CRYBG3: variants seen among roughly 807,000 people sequenced by gnomAD.
The protein encoded by CRYBG3 is crystallin beta-gamma domain containing 3.
In CRYBG3, 127 loss-of-function variants were observed where a neutral mutation model predicts 244.2. The ratio of observed to expected loss-of-function variants is 0.52; its 90% confidence interval spans 0.45 to 0.60. CRYBG3 has a LOEUF of 0.60. CRYBG3 is among the 20% of genes least tolerant of loss of function. The pLI, the probability that CRYBG3 is intolerant of heterozygous loss-of-function variation, is 0.00. For missense variants in CRYBG3, 3,325 were observed against 3,442.5 expected (o/e 0.97, Z 0.85); for synonymous variants, 1,132 against 1,195.8 (o/e 0.95, Z 1.10).
chr3:97,873,146 A>C lies in CRYBG3; in HGVS notation c.1952A>C (p.Asn651Thr), dbSNP rs180695872. Residue 651 changes from asparagine to threonine, a missense_variant, in exon 4 of 22, where the codon AAT (asparagine) becomes ACT (threonine). Physicochemically the swap from Asn to Thr is moderately conservative, Grantham distance 65 (BLOSUM62 0). This residue lies in a region of CRYBG3 where 1,526 missense variants were observed against 1,443.2 expected (regional missense o/e 1.06). Coordinates refer to ENST00000389622, the MANE Select transcript of CRYBG3 (RefSeq NM_153605.4). ...CTTAGCCTTGACTGTAAAAAACTAA[A>C]TTTCAGTATTTCACCTCCTACCTTT... ...TSLSLDCKKL[N>T]FSISPPTFVS... 13,165 of 1,535,760 alleles carry C rather than the reference A, an allele frequency of 8.6e-3. 96 individuals are homozygous for C. The highest frequency in any genetic ancestry group is 0.013 in the Middle Eastern group (76 of 5,988).
rs900701302 is a variant in CRYBG3, at chr3:97,864,405, A to G, written c.405A>G (p.Ser135=). 1 of 1,535,810 alleles carries G rather than the reference A, an allele frequency of 6.5e-7. No homozygotes were observed. Among genetic ancestry groups the G allele is most frequent in the Non-Finnish European group, 8.7e-7 (1 of 1,146,802 alleles). The change falls in exon 3 of 22, where the codon TCA becomes TCG. Residue 135 remains serine (S), a synonymous_variant. Transcript: ENST00000389622. ...ACTTATTCAATATCTCGGGGAAATCATCTCTAGGTGAAGCTAAGCAGTCTT... is the reference window on the plus strand; with the variant it reads ...ACTTATTCAATATCTCGGGGAAATCGTCTCTAGGTGAAGCTAAGCAGTCTT... ...LGNLFNISGK[S]SLGEAKQSSF...
chr3:97,835,694 TAC>T (rs2038722869), intron 1 of CRYBG3, among the ~76,000 whole-genome samples: 2 of 152,146 alleles, frequency 1.3e-5, no homozygotes, highest in Non-Finnish European at 2.9e-5. Context: ...TGGAAGAATT[TAC>T]AGAGGAGGAA....
intron 15 of CRYBG3, among the ~76,000 whole-genome samples, chr3:97,909,130 T>A (rs2039829740): frequency 6.6e-6 from 1 of 152,204 alleles, no homozygotes; most frequent in African/African-American, 2.4e-5. Context: ...GTTAGTCTGA[T>A]GGGCTTCCCT....
chr3:97,894,252 T>G (rs2039614468), intron 11 of CRYBG3, among the ~76,000 whole-genome samples: 1 of 152,234 alleles, frequency 6.6e-6, no homozygotes. Flanking sequence ...GCTAAAATTC[T>G]GTGCAATGTG....
intron 1 of CRYBG3, among the ~76,000 whole-genome samples, chr3:97,826,265 A>G (rs898976164): frequency 1.4e-4 from 21 of 152,204 alleles, no homozygotes; most frequent in Admixed American, 1.2e-3. Context: ...TGGGAATTCT[A>G]TTTTTTGCTG....
intron 3 of CRYBG3, among the ~76,000 whole-genome samples, chr3:97,866,548 A>G (rs148426655): frequency 6.6e-6 from 1 of 152,206 alleles, no homozygotes; most frequent in Non-Finnish European, 1.5e-5. Context: ...GGGCCCAGCA[A>G]TATTCTAACA....
At chr3:97,917,199 T>C (rs1371041915) in intron 17 of CRYBG3, among the ~76,000 whole-genome samples, 4 of 152,162 alleles carry the variant, frequency 2.6e-5, no homozygotes, top group African/African-American at 9.6e-5. Context: ...TTATAATTCC[T>C]TTAGATTCAT....
chr3:97,875,841 A>G lies in CRYBG3; in HGVS notation c.4647A>G (p.Thr1549=), dbSNP rs574755241. Residue 1549 remains threonine, a synonymous_variant, in exon 4 of 22, where the codon ACA becomes ACG. Transcript: ENST00000389622. ...CTTCCATGTTAGAAACAGGGAAAAC[A>G]AACAAAAAGGATGCTGAATTGAATA... ...LIPSMLETGK[T]NKKDAELNIL... is the part of the protein sequence containing the mutation. The G allele has an allele frequency of 9.7e-6, 12 of 1,232,090 alleles. No homozygotes were observed. In the South Asian group the frequency reaches 3.3e-4, roughly 34 times the overall value. The allele number at this position is 1,232,090 out of a possible 1,614,324, so 76.3% of individuals were successfully genotyped here. A position where few individuals can be genotyped will look rare whatever the true frequency, so the allele number is the denominator to read the frequency against.
chr3:97,836,651 A>C (rs145441040), intron 1 of CRYBG3, among the ~76,000 whole-genome samples: 107 of 152,272 alleles, frequency 7.0e-4, no homozygotes, highest in African/African-American at 2.4e-3. Context: ...GGTAATGTAG[A>C]TCCCATGGCT....
chr3:97,889,831 T>C (rs2039554363), intron 10 of CRYBG3, among the ~76,000 whole-genome samples: 1 of 151,890 alleles, frequency 6.6e-6, no homozygotes, highest in Non-Finnish European at 1.5e-5. Context: ...AGTATGAGTA[T>C]CCAAAGGGAA....
chr3:97,846,319 A>G (rs1423809821), intron 2 of CRYBG3, among the ~76,000 whole-genome samples: 1 of 152,066 alleles, frequency 6.6e-6, no homozygotes, highest in Admixed American at 6.5e-5. Context: ...ATACTTTTTC[A>G]TGAAGATGTT....
At chr3:97,930,665 T>C (rs2040087570) in intron 17 of CRYBG3, among the ~76,000 whole-genome samples, 2 of 152,070 alleles carry the variant, frequency 1.3e-5, no homozygotes, top group African/African-American at 2.4e-5. Context: ...TCCAACACCA[T>C]AGCACTAGCC....
chr3:97,886,576 G>A, intron 7 of CRYBG3, 55 bp from the exon 8 acceptor site: 1 of 1,470,828 alleles, frequency 6.8e-7, no homozygotes, highest in Non-Finnish European at 9.2e-7. Flanking sequence ...ACATTGAGAA[G>A]ACTGGACTGT....
intron 14 of CRYBG3, among the ~76,000 whole-genome samples, 159 bp downstream of exon 14, chr3:97,899,422 G>A (rs1448844879): frequency 6.6e-6 from 1 of 152,222 alleles, no homozygotes; most frequent in African/African-American, 2.4e-5. Context: ...TCCATAGACA[G>A]TAGTAGATAT....
chr3:97,900,368 AT>A (rs999670913), intron 14 of CRYBG3, 84 bp from the exon 15 acceptor site: 10 of 865,510 alleles, frequency 1.2e-5, no homozygotes, highest in Non-Finnish European at 1.8e-5. Context: ...AGAAAAAAAA[AT>A]TTTTTTCAAA....
rs2039356913 is a variant in CRYBG3, at chr3:97,875,249, A to G, written c.4055A>G (p.His1352Arg). Residue 1352 changes from histidine (H) to arginine (R), a missense_variant, in exon 4 of 22, where the codon CAT becomes CGT. His to Arg is a conservative substitution (Grantham distance 29). Around this residue, in one of 4 missense-constraint regions of CRYBG3, gnomAD observed 635 missense variants for 771.7 expected, o/e 0.82. Coordinates refer to ENST00000389622, the MANE Select transcript of CRYBG3 (RefSeq NM_153605.4). Reference protein sequence around the residue: ...KILNSDSVKPHDVVREFLVSE... With the variant: ...KILNSDSVKPRDVVREFLVSE... ...CTGAACAGTGATAGTGTTAAGCCAC[A>G]TGATGTAGTTAGAGAGTTCTTGGTT... 1 of 1,512,362 alleles carries G rather than the reference A, an allele frequency of 6.6e-7. No individual in the cohort carries two copies. Among genetic ancestry groups the G allele is most frequent in the Admixed American group, 2.2e-5 (1 of 45,972 alleles). The allele number at this position is 1,512,362 out of a possible 1,614,324, so 93.7% of individuals were successfully genotyped here.
At chr3:97,829,498 T>C (rs543158456) in intron 1 of CRYBG3, among the ~76,000 whole-genome samples, 3 of 152,158 alleles carry the variant, frequency 2.0e-5, no homozygotes, top group Non-Finnish European at 2.9e-5. Flanking sequence ...ATCTCTAAGG[T>C]CTCTCTCAGC....
At position 97,943,822 on chromosome 3, in the gene CRYBG3, G is replaced by A; in HGVS notation, c.*508G>A. On this transcript the variant is annotated 3_prime_UTR_variant, in exon 22 of 22. Coordinates refer to ENST00000389622, the MANE Select transcript of CRYBG3 (RefSeq NM_153605.4). ...CTAAACTTTCCTAGATAAACTTTAA[G>A]GTTTCTATACTGAGGCTTTTATAAT... is the stretch of plus-strand genomic sequence containing the variant. 1 of 153,060 alleles carries A rather than the reference G, an allele frequency of 6.5e-6. No homozygotes were observed. The highest frequency in any genetic ancestry group is 1.5e-5 in the Non-Finnish European group (1 of 68,860). 9.5% of individuals were successfully genotyped at this position (153,060 alleles called of 1,614,324 possible).
At chr3:97,925,120 C>CAAAT (rs1444708983) in intron 17 of CRYBG3, among the ~76,000 whole-genome samples, 3 of 151,714 alleles carry the variant, frequency 2.0e-5, no homozygotes, top group South Asian at 4.2e-4. Context: ...CCTGTCTCTA[C>CAAAT]AAATAAATAA....
Sources: allele counts gnomAD v4.1 joint callset (sites outside exome capture counted in the v4.1 genomes callset), GRCh38; gene constraint gnomAD v4.1.1; regional missense constraint gnomAD v4.1.1; transcripts MANE v1.5; gene names NCBI Gene and HGNC (gene_info 2026-07-23, HGNC 2026-07-21).